The following PTPRF variants were observed in gnomAD, a reference collection of about 807,000 sequenced individuals.
PTPRF encodes protein tyrosine phosphatase receptor type F, also known as receptor-type tyrosine-protein phosphatase F.
In PTPRF, 59 loss-of-function variants were observed where a neutral mutation model predicts 201.8. The observed-to-expected ratio is 0.29, with a 90% confidence interval of 0.24 to 0.36. PTPRF has a LOEUF of 0.36. Ranked by LOEUF, PTPRF falls within the 10% of genes least tolerant of loss-of-function variation. The pLI is 1.00. For synonymous variants in PTPRF, 1,088 were observed against 1,089.7 expected (o/e 1.00, Z 0.03); for missense variants, 2,132 against 2,690.5 (o/e 0.79, Z 4.59).
At chr1:43,558,872 A>G (rs1465151441) in intron 5 of PTPRF, among the ~76,000 whole-genome samples, 1 of 152,072 alleles carries the variant, frequency 6.6e-6, no homozygotes, top group Non-Finnish European at 1.5e-5. Flanking sequence ...GGGGCCGCAG[A>G]TTTCAGGCCT....
chr1:43,590,699 G>C (rs1184363964), intron 8 of PTPRF, among the ~76,000 whole-genome samples: 3 of 152,218 alleles, frequency 2.0e-5, no homozygotes, highest in African/African-American at 7.2e-5. Flanking sequence ...AGTCTGGTGT[G>C]CTGATGGGAG....
At chr1:43,529,684 C>T (rs115962047), upstream of PTPRF, among the ~76,000 whole-genome samples, 1,526 of 152,056 alleles carry the variant, frequency 0.01, 27 homozygotes, top group African/African-American at 0.034. Context: ...TTGGCTGACT[C>T]TTAAGTGGTT....
In PTPRF at chr1:43,618,738, G is replaced by A. The variant is rs202030226; in HGVS notation, c.4480G>A (p.Ala1494Thr). The A allele has an allele frequency of 3.1e-6, 5 of 1,604,276 alleles. No individual in the cohort carries two copies. The highest frequency in any genetic ancestry group is 1.7e-5 in the Admixed American group (1 of 59,826). ...ELATYTVRTF[A>T]LHKSGSSEKR... ...GGCCACATACACTGTGCGCACCTTC[G>A]CACTCCACAAGGTATAGCCTTTCCC... Residue 1494 changes from alanine (A) to threonine (T), a missense_variant, in exon 26 of 34, where the codon GCA becomes ACA. By Grantham distance (58) the Ala-to-Thr change is moderately conservative (BLOSUM62 0). Around this residue, in one of 6 missense-constraint regions of PTPRF, gnomAD observed 519 missense variants for 659.5 expected, o/e 0.79. Transcript: ENST00000359947.
At position 43,617,800 on chromosome 1, in the gene PTPRF, C is replaced by T; in HGVS notation, c.4260C>T (p.Tyr1420=). The T allele has an allele frequency of 1.2e-6, 2 of 1,614,120 alleles. No individual in the cohort carries two copies. Among genetic ancestry groups the T allele is most frequent in the South Asian group, 1.1e-5 (1 of 91,078 alleles). ...YIDGYRKQNA[Y]IATQGPLPET... is the part of the protein sequence containing the mutation. ...ATGGCTACCGCAAGCAGAATGCCTACATCGCCACGCAGGGCCCCCTGCCCG... is the reference window on the plus strand; with the variant it reads ...ATGGCTACCGCAAGCAGAATGCCTATATCGCCACGCAGGGCCCCCTGCCCG... Residue 1420 remains tyrosine (Y), a synonymous_variant, in exon 25 of 34, where the codon TAC becomes TAT. Transcript: ENST00000359947.
At position 43,537,436 on chromosome 1, in the gene PTPRF, T is replaced by C. The variant is rs1644091903; in HGVS notation, c.-125-762T>C. On this transcript the variant is annotated intron_variant, in intron 1 of 33. Coordinates refer to ENST00000359947, the MANE Select transcript of PTPRF (RefSeq NM_002840.5). This position sits in a 1 kb window ranked among gnomAD's most constrained non-coding sequence, Gnocchi z 4.8. Reference sequence around the variant, plus strand: ...GGGCTGTTTTCTTTGAACTCATTCATGCGTTCATCCACTCATTCAGTGTAT... The same window carrying C: ...GGGCTGTTTTCTTTGAACTCATTCACGCGTTCATCCACTCATTCAGTGTAT... Among the ~76,000 whole-genome samples the C allele has an allele frequency of 6.6e-6, 1 of 152,256 alleles. No individual in the cohort carries two copies. The highest frequency in any genetic ancestry group is 6.5e-5 in the Admixed American group (1 of 15,294).
At chr1:43,597,342 CTA>C (rs1652573878) in intron 11 of PTPRF, among the ~76,000 whole-genome samples, 1 of 151,704 alleles carries the variant, frequency 6.6e-6, no homozygotes, top group Non-Finnish European at 1.5e-5. Context: ...ATATGTGACA[CTA>C]TGTATGTGTG....
chr1:43,613,463 C>T, intron 22 of PTPRF, 155 bp from the exon 23 acceptor site: 1 of 684,862 alleles, frequency 1.5e-6, no homozygotes, highest in Non-Finnish European at 2.7e-6. Flanking sequence ...CTCCGCCATC[C>T]CTGTCGCCGC....
At chr1:43,560,823 C>T (rs1331047043) in intron 5 of PTPRF, among the ~76,000 whole-genome samples, 1 of 152,158 alleles carries the variant, frequency 6.6e-6, no homozygotes, top group East Asian at 1.9e-4. Context: ...TCTTGGGACC[C>T]TTTCCTCTCC....
intron 3 of PTPRF, among the ~76,000 whole-genome samples, chr1:43,547,355 A>C (rs1373166884): frequency 6.6e-6 from 1 of 152,238 alleles, no homozygotes; most frequent in Non-Finnish European, 1.5e-5. Flanking sequence ...AAGAAGCTGA[A>C]ATCCTGCCTT....
At chr1:43,539,003 C>CG (rs1455172336) in intron 2 of PTPRF, among the ~76,000 whole-genome samples, 46 of 152,354 alleles carry the variant, frequency 3.0e-4, no homozygotes, top group Admixed American at 1.2e-3. Flanking sequence ...ATGTGTTGAT[C>CG]TGTCCATTGC....
At chr1:43,574,010 T>C (rs1448529640) in intron 6 of PTPRF, among the ~76,000 whole-genome samples, 1 of 96,932 alleles carries the variant, frequency 1.0e-5, no homozygotes, top group South Asian at 3.3e-4. Context: ...TTTTTTTTTT[T>C]TTTGAGACAG....
upstream of PTPRF, among the ~76,000 whole-genome samples, chr1:43,527,269 G>T (rs533560089): frequency 7.9e-5 from 12 of 152,238 alleles, no homozygotes; most frequent in South Asian, 8.3e-4. Flanking sequence ...ATCCCTCCCC[G>T]CCAGGCCCAG....
upstream of PTPRF, among the ~76,000 whole-genome samples, chr1:43,526,228 G>A (rs115313274): frequency 9.2e-3 from 1,398 of 152,230 alleles, 20 homozygotes; most frequent in African/African-American, 0.032. Flanking sequence ...AACATAAGCA[G>A]TGTTCATTGA....
chr1:43,581,418 C>G (rs907372434), intron 7 of PTPRF, among the ~76,000 whole-genome samples: 2 of 152,220 alleles, frequency 1.3e-5, no homozygotes, highest in African/African-American at 4.8e-5. Flanking sequence ...AGCTCTGTCC[C>G]CAGGACCTGC....
chr1:43,550,414 A>C (rs1055987588), intron 3 of PTPRF, among the ~76,000 whole-genome samples: 5 of 140,076 alleles, frequency 3.6e-5, no homozygotes, highest in African/African-American at 5.2e-5. Flanking sequence ...TCCAGCCCCC[A>C]GTTTCTGCCG....
intron 6 of PTPRF, among the ~76,000 whole-genome samples, chr1:43,578,159 C>T (rs760323359): frequency 2.6e-5 from 4 of 152,232 alleles, no homozygotes; most frequent in Non-Finnish European, 4.4e-5. Flanking sequence ...CTCCATTAGC[C>T]TCTTGAATTA....
chr1:43,613,324 G>A (rs368849893), intron 22 of PTPRF: 16 of 376,090 alleles, frequency 4.3e-5, no homozygotes, highest in African/African-American at 2.3e-4. Context: ...CCCCTCCTGG[G>A]AGGAAGGAAG....
intron 5 of PTPRF, among the ~76,000 whole-genome samples, chr1:43,563,331 G>A (rs1645937750): frequency 6.6e-6 from 1 of 152,212 alleles, no homozygotes; most frequent in East Asian, 1.9e-4. Flanking sequence ...GACCAGGTTT[G>A]AGGAGGCGAG....
Position 43,605,182 on chromosome 1 carries a change from C to G in PTPRF, c.3136-8C>G. On this transcript the variant is annotated splice_polypyrimidine_tract_variant and splice_region_variant and intron_variant, in intron 17 of 33. Coordinates refer to ENST00000359947, the MANE Select transcript of PTPRF (RefSeq NM_002840.5). Reference sequence around the variant, plus strand: ...AAAGGCATTGATTGCCCCTCCCGTCCCCCACAGATTCTGTACAATGGGCAG... The same window carrying G: ...AAAGGCATTGATTGCCCCTCCCGTCGCCCACAGATTCTGTACAATGGGCAG... 6.3e-7 allele frequency: 1 copy of G among 1,590,092 alleles called. No homozygotes were observed. The highest frequency in any genetic ancestry group is 1.1e-5 in the South Asian group (1 of 88,998).
Sources: gnomAD v4.1 joint callset for allele counts (sites outside exome capture counted in the v4.1 genomes callset) on GRCh38, gnomAD v4.1.1 for gene constraint, gnomAD v4.1.1 regional missense constraint, Gnocchi (gnomAD v3.1) non-coding constraint, MANE v1.5 for transcripts, NCBI Gene and HGNC (gene_info 2026-07-23, HGNC 2026-07-21) for gene names.